PPM1J: variants seen among roughly 807,000 people sequenced by gnomAD.
PPM1J encodes protein phosphatase, Mg2+/Mn2+ dependent 1J.
Under a neutral mutation model 53.3 loss-of-function variants are expected in PPM1J, and 43 were observed. The observed-to-expected ratio is 0.81, with a 90% CI of 0.63 to 1.04. The LOEUF (loss-of-function observed/expected upper bound fraction) is 1.04. Ranked by LOEUF, PPM1J falls within the 50% of genes least tolerant of loss-of-function variation. PPM1J has a pLI of 0.00. For synonymous variants in PPM1J, 267 were observed against 286.4 expected (o/e 0.93, Z 0.68); for missense variants, 635 against 685.9 (o/e 0.93, Z 0.83).
chr1:112,715,258 G>C lies in PPM1J; in HGVS notation c.44C>G (p.Ser15Cys). The C allele has an allele frequency of 3.7e-6, 5 of 1,359,836 alleles. No homozygotes were observed. Among genetic ancestry groups the C allele is most frequent in the Non-Finnish European group, 4.7e-6 (5 of 1,064,526 alleles). The allele number at this position is 1,359,836 out of a possible 1,614,324, so 84.2% of individuals were successfully genotyped here. ...VRSAVAHLVS[S>C]GGAPPPRPKS... ...GGGGCGCGGAGGCGGAGCGCCCCCG[G>C]AGCTCACCAGGTGCGCCACGGCCGA... Residue 15 changes from serine (S) to cysteine (C), a missense_variant, in exon 1 of 10, where the codon TCC (serine) becomes TGC (cysteine). Transcript: ENST00000309276. The surrounding 1 kb of genome is among the most constrained non-coding windows in gnomAD (Gnocchi z 4.4).
At chr1:112,712,265 C>A in intron 4 of PPM1J, 80 bp downstream of exon 4, 1 of 1,211,054 alleles carries the variant, frequency 8.3e-7, no homozygotes, top group Non-Finnish European at 1.2e-6. Context: ...TTTTTAACCC[C>A]TGCCACCTTA....
In PPM1J at chr1:112,714,977, C is replaced by T. The variant is rs750750201; in HGVS notation, c.325G>A (p.Glu109Lys). ...RRLPWSTGYA[E>K]VINAGKSRHN... The stretch of plus-strand genomic sequence containing the variant: ...TTGGGTGCCCCAGGGGGCGCTCACT[C>T]GGCGTAGCCTGTGCTCCAGGGCAGG... The change falls in exon 1 of 10, where the codon GAG becomes AAG. Residue 109 changes from glutamate to lysine, a missense_variant and splice_region_variant. By Grantham distance (56) the Glu-to-Lys change is moderately conservative. Transcript: ENST00000309276. The T allele has an allele frequency of 7.1e-7, 1 of 1,406,574 alleles. No homozygotes were observed. The highest frequency in any genetic ancestry group is 9.2e-7 in the Non-Finnish European group (1 of 1,084,708). 87.1% of individuals were successfully genotyped at this position (1,406,574 alleles called of 1,614,324 possible).
At chr1:112,711,896 T>C in intron 5 of PPM1J, 75 bp downstream of exon 5, 3 of 1,042,934 alleles carry the variant, frequency 2.9e-6, no homozygotes, top group Non-Finnish European at 4.2e-6. Flanking sequence ...GGTGTGAGAG[T>C]TCTCAGGGCC....
intron 1 of PPM1J, chr1:112,714,019 G>A: frequency 9.3e-7 from 1 of 1,076,546 alleles, no homozygotes; most frequent in Non-Finnish European, 1.1e-6. Flanking sequence ...CTCTCCCAGT[G>A]CCTTGTCCCC....
At chr1:112,714,683 T>G in intron 1 of PPM1J, 1 of 1,212,572 alleles carries the variant, frequency 8.2e-7, no homozygotes, top group East Asian at 3.4e-5. Flanking sequence ...CAACTCATCC[T>G]TCGCCGGGCT....
At position 112,715,003 on chromosome 1, in the gene PPM1J, C is replaced by A. The variant is rs1675163198; in HGVS notation, c.299G>T (p.Arg100Leu). ...AVQSPPDTGRRLPWSTGYAEV... is the reference protein window; with the variant it reads ...AVQSPPDTGRLLPWSTGYAEV... ...GGCGTAGCCTGTGCTCCAGGGCAGG[C>A]GGCGGCCCGTGTCCGGGGGGCTTTG... The change falls in exon 1 of 10, where the codon CGC becomes CTC. Residue 100 changes from arginine to leucine, a missense_variant. Arg to Leu is a moderately radical substitution (Grantham distance 102, BLOSUM62 -2). Coordinates refer to ENST00000309276, the MANE Select transcript of PPM1J (RefSeq NM_005167.7). The surrounding 1 kb of genome is among the most constrained non-coding windows in gnomAD (Gnocchi z 4.4). 2.7e-6 allele frequency: 4 copies of A among 1,461,040 alleles called. No individual in the cohort carries two copies. In the South Asian group the frequency reaches 4.1e-5, roughly 15 times the overall value. The allele number at this position is 1,461,040 out of a possible 1,614,324, so 90.5% of individuals were successfully genotyped here. A position where few individuals can be genotyped will look rare whatever the true frequency, so the allele number is the denominator to read the frequency against.
chr1:112,710,125 G>A lies in PPM1J; in HGVS notation c.*38C>T, dbSNP rs749472216. 1.8e-4 allele frequency: 271 copies of A among 1,518,536 alleles called. 1 individual carries two copies. Among genetic ancestry groups the A allele is most frequent in the Non-Finnish European group, 2.3e-4 (259 of 1,135,696 alleles). The allele number at this position is 1,518,536 out of a possible 1,614,324, so 94.1% of individuals were successfully genotyped here. On this transcript the variant is annotated 3_prime_UTR_variant, in exon 10 of 10. Coordinates refer to ENST00000309276, the MANE Select transcript of PPM1J (RefSeq NM_005167.7). ...AGAATTTGGGCTGTGAGAGGAGTAA[G>A]TATGGAGAGGCTAGTGGGAGGGATG...
intron 3 of PPM1J, 92 bp downstream of exon 3, chr1:112,712,649 GTGT>G (rs879850376): frequency 4.5e-6 from 6 of 1,323,438 alleles, no homozygotes; most frequent in Non-Finnish European, 6.3e-6. Context: ...GCTCTCAAAG[GTGT>G]TGTGGGTTCT....
intron 5 of PPM1J, among the ~76,000 whole-genome samples, chr1:112,711,725 A>G (rs1024412166): frequency 9.2e-5 from 14 of 151,880 alleles, no homozygotes; most frequent in Admixed American, 9.2e-4. Context: ...TCCTTCCCCC[A>G]CCTCAGTCTC....
intron 5 of PPM1J, 48 bp downstream of exon 5, chr1:112,711,923 C>T (rs1483162871): frequency 7.3e-7 from 1 of 1,370,322 alleles, no homozygotes; most frequent in South Asian, 1.3e-5. Flanking sequence ...TGCAGGGAGG[C>T]ACAAGACCCG....
intron 4 of PPM1J, 28 bp downstream of exon 4, chr1:112,712,317 C>G (rs370338942): frequency 6.5e-7 from 1 of 1,527,922 alleles, no homozygotes; most frequent in East Asian, 2.4e-5. Context: ...GGCCCTCTGT[C>G]GCCACCTTGG....
At chr1:112,714,595 A>G (rs979649254) in intron 1 of PPM1J, 23 of 1,033,586 alleles carry the variant, frequency 2.2e-5, no homozygotes, top group Non-Finnish European at 1.2e-5. Context: ...TATGTCCCCT[A>G]TTAAAAAGAA....
At chr1:112,712,119 A>G in intron 4 of PPM1J, 64 bp from the exon 5 acceptor site, 1 of 1,354,514 alleles carries the variant, frequency 7.4e-7, no homozygotes, top group Non-Finnish European at 1.0e-6. Context: ...GAAAAATTCC[A>G]GAAAGACCAG....
Position 112,712,949 on chromosome 1 carries a change from C to G in PPM1J, c.524G>C (p.Arg175Pro). The change falls in exon 3 of 10, where the codon CGC becomes CCC. Residue 175 changes from arginine to proline, a missense_variant. Transcript: ENST00000309276. ...AAEMASRLLH[R>P]HIREQLKDLV... ...GTCCTTTAGCTGCTCTCGGATATGG[C>G]GATGCAGGAGCCGTGAGGCCATTTC... 2.5e-6 allele frequency: 4 copies of G among 1,613,826 alleles called. No individual in the cohort carries two copies. The highest frequency in any genetic ancestry group is 3.4e-6 in the Non-Finnish European group (4 of 1,179,976).
In PPM1J at chr1:112,711,048, TCCA is replaced by T; in HGVS notation, c.1067_1069del (p.Leu356_Glu357delinsGln). On this transcript the variant is annotated inframe_deletion, in exon 7 of 10. Transcript: ENST00000309276. The stretch of plus-strand genomic sequence containing the variant: ...ACAGACCAGAGGAAACCTGAGATCC[TCCA>T]GCTCGATCTTTTTGTAGGCCCTGGG... The T allele has an allele frequency of 6.2e-7, 1 of 1,613,998 alleles. No homozygotes were observed. The highest frequency in any genetic ancestry group is 1.1e-5 in the South Asian group (1 of 91,080).
chr1:112,713,461 T>A, intron 2 of PPM1J, 36 bp downstream of exon 2: 1 of 1,429,314 alleles, frequency 7.0e-7, no homozygotes, highest in South Asian at 1.1e-5. Flanking sequence ...TGGGGAGAGG[T>A]GTCACTGTGT....
intron 5 of PPM1J, chr1:112,711,611 CA>C (rs1265672290): frequency 1.8e-6 from 1 of 554,918 alleles, no homozygotes; most frequent in Admixed American, 3.4e-5. Flanking sequence ...TCCGGTCACA[CA>C]ATTAGCAAAG....
At chr1:112,712,582 G>A (rs2101482047) in intron 3 of PPM1J, 125 bp from the exon 4 acceptor site, 1 of 1,124,034 alleles carries the variant, frequency 8.9e-7, no homozygotes. Flanking sequence ...AAGACAGGAG[G>A]GAAGACTGGG....
At chr1:112,713,444 G>A in intron 2 of PPM1J, 53 bp downstream of exon 2, 1 of 1,280,506 alleles carries the variant, frequency 7.8e-7, no homozygotes, top group Non-Finnish European at 1.1e-6. Flanking sequence ...CCAGAGGCCT[G>A]AGTCCCTGGG....
Sources: allele counts gnomAD v4.1 joint callset (sites outside exome capture counted in the v4.1 genomes callset), GRCh38; gene constraint gnomAD v4.1.1; non-coding constraint Gnocchi (gnomAD v3.1); transcripts MANE v1.5; gene names NCBI Gene and HGNC (gene_info 2026-07-23, HGNC 2026-07-21).